Variants in COL21A1 observed in about 807,000 individuals in gnomAD.
COL21A1 encodes the protein collagen alpha-1(XXI) chain.
A neutral mutation model predicts 137.9 loss-of-function variants in COL21A1; 149 were observed. The observed-to-expected ratio is 1.08, with a 90% CI of 0.95 to 1.24. The LOEUF (loss-of-function observed/expected upper bound fraction) is 1.24. COL21A1 is among the 50% of genes most tolerant of loss of function. The pLI is 0.00. For missense variants in COL21A1, 1,167 were observed against 1,158.4 expected (o/e 1.01, Z -0.11); for synonymous variants, 456 against 391.5 (o/e 1.16, Z -1.95).
intron 17 of COL21A1, among the ~76,000 whole-genome samples, chr6:56,090,893 G>A (rs1768749344): frequency 6.6e-6 from 1 of 152,020 alleles, no homozygotes; most frequent in Non-Finnish European, 1.5e-5. Flanking sequence ...GCACATACTT[G>A]GTATGTACCA....
intron 1 of COL21A1, among the ~76,000 whole-genome samples, chr6:56,380,198 T>A (rs1364328921): frequency 6.6e-6 from 1 of 152,190 alleles, no homozygotes; most frequent in Non-Finnish European, 1.5e-5. Flanking sequence ...TCTCTTGCCA[T>A]GTGACACAGC....
At chr6:56,186,037 A>G (rs1408178075) in intron 1 of COL21A1, among the ~76,000 whole-genome samples, 1 of 152,184 alleles carries the variant, frequency 6.6e-6, no homozygotes, top group Non-Finnish European at 1.5e-5. Flanking sequence ...TAAGAAAATT[A>G]CAGTCCATTG....
At chr6:56,088,164 G>A (rs1768435460) in intron 17 of COL21A1, among the ~76,000 whole-genome samples, 1 of 152,124 alleles carries the variant, frequency 6.6e-6, no homozygotes, top group African/African-American at 2.4e-5. Flanking sequence ...AGGACTTCAA[G>A]ACCAGCCTGG....
chr6:56,078,631 T>A (rs12190695), intron 17 of COL21A1, among the ~76,000 whole-genome samples: 22,977 of 151,568 alleles, frequency 0.15, 1,749 homozygotes, highest in Middle Eastern at 0.22. Context: ...CCTGAGTTTA[T>A]AAATACAACC....
chr6:56,134,379 T>A (rs1380029925), intron 12 of COL21A1, among the ~76,000 whole-genome samples: 1 of 152,218 alleles, frequency 6.6e-6, no homozygotes, highest in African/African-American at 2.4e-5. Context: ...ATTTATCCAA[T>A]GCCTGTACCC....
chr6:56,314,978 G>C lies in COL21A1; in HGVS notation c.-39+78993C>G, dbSNP rs538704378. Among the ~76,000 whole-genome samples the C allele has an allele frequency of 1.0e-3, 155 of 152,144 alleles. 1 individual carries two copies. Among genetic ancestry groups the C allele is most frequent in the Non-Finnish European group, 1.7e-3 (115 of 68,026 alleles). On this transcript the variant is annotated intron_variant, in intron 1 of 28. Coordinates refer to the COL21A1 transcript ENST00000370819. ...ACCTCTGAGCACAAGCAGTATTATGGGGTGTTACCGCAAACGCAGACTACA... is the reference window on the plus strand; with the variant it reads ...ACCTCTGAGCACAAGCAGTATTATGCGGTGTTACCGCAAACGCAGACTACA...
chr6:56,276,223 A>G (rs1461153028), intron 1 of COL21A1, among the ~76,000 whole-genome samples: 1 of 152,074 alleles, frequency 6.6e-6, no homozygotes, highest in Non-Finnish European at 1.5e-5. Context: ...CAGAGGGGAG[A>G]AGGAGGAACA....
chr6:56,067,433 A>G, intron 22 of COL21A1, 103 bp from the exon 23 acceptor site: 1 of 1,024,466 alleles, frequency 9.8e-7, no homozygotes, highest in Non-Finnish European at 1.5e-6. Flanking sequence ...ATCTCGTGCA[A>G]ACTCCACAAG....
chr6:56,282,651 T>C lies in COL21A1; in HGVS notation c.-38-99995A>G, dbSNP rs73745439. Among the ~76,000 whole-genome samples the C allele has an allele frequency of 2.9e-3, 443 of 152,336 alleles. 5 individuals carry two copies. Among genetic ancestry groups the C allele is most frequent in the African/African-American group, 1.0e-2 (415 of 41,568 alleles). Reference sequence around the variant, plus strand: ...CAGATGCATTGTTTGAGGGTTTTATTAAATAAATCAAATCCAGACACCTTT... The same window carrying C: ...CAGATGCATTGTTTGAGGGTTTTATCAAATAAATCAAATCCAGACACCTTT... On this transcript the variant is annotated intron_variant, in intron 1 of 28. Transcript: ENST00000370819.
At chr6:56,296,363 CA>C (rs1176319529) in intron 1 of COL21A1, among the ~76,000 whole-genome samples, 1 of 151,902 alleles carries the variant, frequency 6.6e-6, no homozygotes, top group African/African-American at 2.4e-5. Context: ...TATATTTAAG[CA>C]AAACAATTCT....
chr6:56,321,004 A>C (rs920866739), intron 1 of COL21A1, among the ~76,000 whole-genome samples: 3 of 152,178 alleles, frequency 2.0e-5, no homozygotes, highest in Non-Finnish European at 4.4e-5. Flanking sequence ...TATTAATTGA[A>C]AAAATACTAA....
chr6:56,097,864 A>AATATATAT lies in COL21A1; in HGVS notation c.1812+3607_1812+3608insATATATAT, dbSNP rs1447497704. On this transcript the variant is annotated intron_variant, in intron 17 of 29. Coordinates refer to ENST00000244728, the MANE Select transcript of COL21A1 (RefSeq NM_030820.4). Reference sequence around the variant, plus strand: ...ATATATAAATATATATAAATATATAAAAATATCTATAAATATATAAATATA... The same window carrying AATATATAT: ...ATATATAAATATATATAAATATATAAATATATATAAATATCTATAAATATATAAATATA... Among the ~76,000 whole-genome samples, 33 of 29,898 alleles carry AATATATAT rather than the reference A, an allele frequency of 1.1e-3. 5 individuals carry two copies. The highest frequency in any genetic ancestry group is 2.9e-3 in the African/African-American group (24 of 8,360). The allele number at this position is 29,898 out of a possible 152,430, so 19.6% of individuals were successfully genotyped here.
intron 1 of COL21A1, among the ~76,000 whole-genome samples, chr6:56,210,778 C>A (rs931586058): frequency 6.6e-6 from 1 of 151,866 alleles, no homozygotes; most frequent in African/African-American, 2.4e-5. Flanking sequence ...TTATATGACA[C>A]CAAGAGGACA....
At chr6:56,099,861 C>G (rs939554029) in intron 17 of COL21A1, among the ~76,000 whole-genome samples, 1 of 152,128 alleles carries the variant, frequency 6.6e-6, no homozygotes, top group East Asian at 1.9e-4. Context: ...ATACCCTAGT[C>G]GAGGCCTTCT....
intron 9 of COL21A1, among the ~76,000 whole-genome samples, chr6:56,158,527 C>A (rs1385046393): frequency 6.6e-6 from 1 of 151,996 alleles, no homozygotes; most frequent in East Asian, 1.9e-4. Context: ...CCTCCTCAAC[C>A]TCCCAAAGTG....
In COL21A1 at chr6:56,064,693, T is replaced by A. The variant is rs1369948197; in HGVS notation, c.2128-71A>T. ...ATGCAATCACATATGCAATACAAAC[T>A]ATGTATTACCTTGAGTTCCAGAAGA... On this transcript the variant is annotated intron_variant, in intron 23 of 29. Coordinates refer to ENST00000244728, the MANE Select transcript of COL21A1 (RefSeq NM_030820.4). 1.3e-5 allele frequency: 12 copies of A among 939,512 alleles called. No individual in the cohort carries two copies. In the East Asian group the frequency reaches 3.1e-4, roughly 24 times the overall value. The allele number at this position is 939,512 out of a possible 1,614,324, so 58.2% of individuals were successfully genotyped here.
At chr6:56,082,278 C>G (rs1178380316) in intron 17 of COL21A1, among the ~76,000 whole-genome samples, 1 of 151,728 alleles carries the variant, frequency 6.6e-6, no homozygotes, top group African/African-American at 2.4e-5. Flanking sequence ...ACCACCTACC[C>G]CTTTATATCA....
chr6:56,067,407 G>T, intron 22 of COL21A1, 77 bp from the exon 23 acceptor site: 1 of 1,357,222 alleles, frequency 7.4e-7, no homozygotes, highest in Non-Finnish European at 1.0e-6. Context: ...ATTTTTCTCT[G>T]CTGAAGAAAA....
At position 56,124,323 on chromosome 6, in the gene COL21A1, T is replaced by C. The variant is rs777349850; in HGVS notation, c.1651-31A>G. The C allele has an allele frequency of 4.5e-6, 7 of 1,571,464 alleles. No homozygotes were observed. In the South Asian group the frequency reaches 5.9e-5, roughly 13 times the overall value. ...TCGAAAACAAACACTTAAAACACAA[T>C]CTTTACAATAATGTTTTCAAGTTCC... On this transcript the variant is annotated intron_variant, in intron 14 of 29. Transcript: ENST00000244728.
Sources: gnomAD v4.1 joint callset for allele counts (sites outside exome capture counted in the v4.1 genomes callset) on GRCh38, gnomAD v4.1.1 for gene constraint, MANE v1.5 for transcripts, NCBI Gene and HGNC (gene_info 2026-07-23, HGNC 2026-07-21) for gene names.